The following NLE1 variants were observed in gnomAD, a reference collection of about 807,000 sequenced individuals.
NLE1 encodes the protein notchless homolog 1.
NLE1 carries 37 observed loss-of-function variants against 62.8 expected under a neutral mutation model. The observed-to-expected ratio is 0.59, with a 90% confidence interval of 0.45 to 0.78. NLE1 has a LOEUF of 0.78. Ranked by LOEUF, NLE1 falls within the 30% of genes least tolerant of loss-of-function variation. The pLI is 0.00. For synonymous variants in NLE1, 243 were observed against 253.0 expected, an observed-to-expected ratio of 0.96 and a Z score of 0.37; for missense variants, 555 against 637.9, an observed-to-expected ratio of 0.87 and a Z score of 1.40.
At chr17:35,140,519 G>A (rs866131787) in intron 2 of NLE1, among the ~76,000 whole-genome samples, 2 of 152,110 alleles carry the variant, frequency 1.3e-5, no homozygotes, top group South Asian at 4.1e-4. Context: ...GTGAGCCACT[G>A]TGCCCAGCCT....
At chr17:35,134,916 G>A (rs1271523753) in intron 10 of NLE1, 1 of 407,056 alleles carries the variant, frequency 2.5e-6, no homozygotes, top group East Asian at 6.8e-5. Flanking sequence ...GCCAGGCACG[G>A]TGGCGGAGGC....
At chr17:35,138,651 C>T (rs1335337336) in intron 4 of NLE1, among the ~76,000 whole-genome samples, 2 of 152,112 alleles carry the variant, frequency 1.3e-5, no homozygotes, top group Non-Finnish European at 2.9e-5. Context: ...ACTGTGTTGG[C>T]GAGGCTGGTC....
chr17:35,130,580 G>A lies in NLE1; in HGVS notation c.*1857C>T. On this transcript the variant is annotated 3_prime_UTR_variant, in exon 13 of 13. Coordinates refer to ENST00000442241, the MANE Select transcript of NLE1 (RefSeq NM_018096.5). ...GTATGGGCACCCCACCCCTGGGCTG[G>A]GGCCAAGGCTACATAGGGGCCCCAT... The A allele has an allele frequency of 1.2e-6, 1 of 855,668 alleles. No individual in the cohort carries two copies. Among genetic ancestry groups the A allele is most frequent in the South Asian group, 1.8e-5 (1 of 55,644 alleles). The allele number at this position is 855,668 out of a possible 1,614,324, so 53.0% of individuals were successfully genotyped here. A position where few individuals can be genotyped will look rare whatever the true frequency, so the allele number is the denominator to read the frequency against.
Position 35,135,284 on chromosome 17 carries a change from G to C in NLE1, c.1179C>G (p.Asp393Glu). 1.2e-6 allele frequency: 2 copies of C among 1,614,188 alleles called. No homozygotes were observed. Among genetic ancestry groups the C allele is most frequent in the Non-Finnish European group, 1.7e-6 (2 of 1,180,038 alleles). ...TGCCATCCCACAGCTTGATGGACTTGTCAAAGGAGGCACTAGCCACGATGC... is the reference window on the plus strand; with the variant it reads ...TGCCATCCCACAGCTTGATGGACTTCTCAAAGGAGGCACTAGCCACGATGC... Reference protein sequence around the residue: ...DSRIVASASFDKSIKLWDGRT... With the variant: ...DSRIVASASFEKSIKLWDGRT... Residue 393 changes from aspartate (D) to glutamate (E), a missense_variant, in exon 10 of 13, where the codon GAC becomes GAG. By Grantham distance (45) the Asp-to-Glu change is conservative. Coordinates refer to ENST00000442241, the MANE Select transcript of NLE1 (RefSeq NM_018096.5).
chr17:35,141,252 A>G (rs1432516082), intron 2 of NLE1, among the ~76,000 whole-genome samples: 2 of 152,108 alleles, frequency 1.3e-5, no homozygotes, highest in East Asian at 3.9e-4. Flanking sequence ...ACTGGCTTAA[A>G]GGTTAAAAGC....
chr17:35,139,206 A>AC (rs758050367), intron 4 of NLE1, 29 bp downstream of exon 4: 1 of 1,594,850 alleles, frequency 6.3e-7, no homozygotes, highest in East Asian at 2.2e-5. Flanking sequence ...AAAAAAGAAG[A>AC]CCCCCTAAAT....
intron 2 of NLE1, 29 bp from the exon 3 acceptor site, chr17:35,140,095 G>T (rs368338718): frequency 5.2e-5 from 83 of 1,605,122 alleles, no homozygotes; most frequent in Non-Finnish European, 7.0e-5. Flanking sequence ...GGACAAACCC[G>T]CAACAATGGA....
Position 35,129,892 on chromosome 17 carries a change from A to C in NLE1, c.*2545T>G. The C allele has an allele frequency of 1.4e-6, 2 of 1,401,642 alleles. No homozygotes were observed. Among genetic ancestry groups the C allele is most frequent in the East Asian group, 2.7e-5 (1 of 37,640 alleles). 86.8% of individuals were successfully genotyped at this position (1,401,642 alleles called of 1,614,324 possible). Reference sequence around the variant, plus strand: ...GAATGTATTTTTCAACATCACTATAATGTTCCCCTTCCAAAGCCATTGGTT... The same window carrying C: ...GAATGTATTTTTCAACATCACTATACTGTTCCCCTTCCAAAGCCATTGGTT... On this transcript the variant is annotated 3_prime_UTR_variant, in exon 13 of 13. Transcript: ENST00000442241.
rs1395878192 is a variant in NLE1 at position 35,137,006 on chromosome 17, G to A, written c.823C>T (p.His275Tyr). Residue 275 changes from histidine to tyrosine, a missense_variant, in exon 7 of 13, where the codon CAT becomes TAT. By Grantham distance (83) the His-to-Tyr change is moderately conservative. Coordinates refer to ENST00000442241, the MANE Select transcript of NLE1 (RefSeq NM_018096.5). ...QDRTIKVWRA[H>Y]DGVLCRTLQG... ...TGAACCCTCCCAGCACTTACGTCAT[G>A]AGCTCTCCAGACTTTGATGGTGCGG... 3 of 1,597,888 alleles carry A rather than the reference G, an allele frequency of 1.9e-6. No individual in the cohort carries two copies. Among genetic ancestry groups the A allele is most frequent in the Admixed American group, 3.4e-5 (2 of 58,996 alleles).
chr17:35,130,384 C>T lies in NLE1; in HGVS notation c.*2053G>A. ...CCGGCAAAAGATCGTGTCCATCGGG[C>T]CGGAGGAGATGCGGAGGCTGGAGGA... On this transcript the variant is annotated 3_prime_UTR_variant, in exon 13 of 13. Transcript: ENST00000442241. The T allele has an allele frequency of 1.9e-6, 3 of 1,614,086 alleles. No homozygotes were observed. The highest frequency in any genetic ancestry group is 2.5e-6 in the Non-Finnish European group (3 of 1,179,990).
chr17:35,139,260 T>C lies in NLE1; in HGVS notation c.435A>G (p.Thr145=), dbSNP rs992585227. Residue 145 remains threonine (T), a synonymous_variant, in exon 4 of 13, where the codon ACA becomes ACG. Coordinates refer to ENST00000442241, the MANE Select transcript of NLE1 (RefSeq NM_018096.5). ...DTTVRFWDLS[T]ETPHFTCKGH... ...CCTTGCATGTGAAATGTGGTGTCTC[T>C]GTGCTGAGATCCCAGAAGCGCACGG... is the stretch of plus-strand genomic sequence containing the variant. The C allele has an allele frequency of 2.5e-5, 41 of 1,613,876 alleles. No homozygotes were observed. In the Admixed American group the frequency reaches 5.0e-4, roughly 20 times the overall value.
Position 35,136,427 on chromosome 17 carries a change from G to T in NLE1, c.899C>A (p.Ala300Asp). The change falls in exon 8 of 13, where the codon GCC becomes GAC. Residue 300 changes from alanine (A) to aspartate (D), a missense_variant. Transcript: ENST00000442241. The stretch of plus-strand genomic sequence containing the variant: ...AGGTTCAAAGGCCCCAGTGCGCAGG[G>T]CATAGTCAGTGCTGAGGGCCATGGT... Reference protein sequence around the residue: ...VNTMALSTDYALRTGAFEPAE... With the variant: ...VNTMALSTDYDLRTGAFEPAE... 1 of 1,614,184 alleles carries T rather than the reference G, an allele frequency of 6.2e-7. No homozygotes were observed.
At chr17:35,139,089 G>A (rs1249807482) in intron 4 of NLE1, 146 bp downstream of exon 4, 2 of 603,946 alleles carry the variant, frequency 3.3e-6, no homozygotes, top group East Asian at 3.0e-5. Flanking sequence ...TGAAGTAGGG[G>A]GACTGCTTGA....
At position 35,137,797 on chromosome 17, in the gene NLE1, C is replaced by T. The variant is rs981436714; in HGVS notation, c.537+17G>A. On this transcript the variant is annotated intron_variant, in intron 5 of 12. Transcript: ENST00000442241. ...GCCCCCTTGAGTCTCTGCCTAGTTA[C>T]CCTGAGAACTACCTACCTGGCCATT... The T allele has an allele frequency of 6.6e-7, 1 of 1,522,916 alleles. No homozygotes were observed. The highest frequency in any genetic ancestry group is 8.9e-7 in the Non-Finnish European group (1 of 1,120,308). 94.3% of individuals were successfully genotyped at this position (1,522,916 alleles called of 1,614,324 possible).
rs543603946 is a variant in NLE1, at chr17:35,129,339, C to T, written c.*3098G>A. 3.2e-5 allele frequency: 49 copies of T among 1,537,836 alleles called. No homozygotes were observed. In the African/African-American group the frequency reaches 4.2e-4, roughly 13 times the overall value. On this transcript the variant is annotated 3_prime_UTR_variant, in exon 13 of 13. Transcript: ENST00000442241. ...GCAGGAGCAGGGGATGGGCATGGGA[C>T]GTCCTGACCCCAGTTGGGAGGGTGA...
intron 10 of NLE1, among the ~76,000 whole-genome samples, chr17:35,134,514 C>G (rs2091897183): frequency 6.6e-6 from 1 of 152,100 alleles, no homozygotes; most frequent in Middle Eastern, 3.2e-3. Context: ...ATTCTCCTGC[C>G]TCAGCCTCCG....
chr17:35,140,206 C>T (rs1270605584), intron 2 of NLE1, 140 bp from the exon 3 acceptor site: 16 of 854,254 alleles, frequency 1.9e-5, no homozygotes, highest in Admixed American at 1.1e-4. Flanking sequence ...CATCATTGCC[C>T]ATTGAGCAAG....
intron 2 of NLE1, 51 bp downstream of exon 2, chr17:35,141,928 C>T: frequency 6.6e-7 from 1 of 1,524,190 alleles, no homozygotes; most frequent in Non-Finnish European, 8.9e-7. Context: ...GATTCCCCCA[C>T]CGCATCCGCC....
At position 35,137,544 on chromosome 17, in the gene NLE1, C is replaced by T. The variant is rs759003078; in HGVS notation, c.634G>A (p.Ala212Thr). 1 of 1,607,338 alleles carries T rather than the reference C, an allele frequency of 6.2e-7. No homozygotes were observed. Among genetic ancestry groups the T allele is most frequent in the South Asian group, 1.1e-5 (1 of 90,766 alleles). Residue 212 changes from alanine to threonine, a missense_variant and splice_region_variant, in exon 6 of 13, where the codon GCG becomes ACG. Physicochemically the swap from Ala to Thr is moderately conservative, Grantham distance 58. Transcript: ENST00000442241. ...CCCAGCTCCGTCAGTGTCACTTACGCATGGAGGGGCTCCCAGCTCAGGCCT... is the reference window on the plus strand; with the variant it reads ...CCCAGCTCCGTCAGTGTCACTTACGTATGGAGGGGCTCCCAGCTCAGGCCT... ...ITGLSWEPLH[A>T]NPECRYVASS...
Sources: allele counts gnomAD v4.1 joint callset (sites outside exome capture counted in the v4.1 genomes callset), GRCh38; gene constraint gnomAD v4.1.1; transcripts MANE v1.5; gene names NCBI Gene and HGNC (gene_info 2026-07-23, HGNC 2026-07-21).